TMC7: variants seen among roughly 807,000 people sequenced by gnomAD.
TMC7 encodes transmembrane channel like 7.
Under a neutral mutation model 82.9 loss-of-function variants are expected in TMC7, and 54 were observed. The ratio of observed to expected loss-of-function variants is 0.65; its 90% CI spans 0.52 to 0.82. The LOEUF (loss-of-function observed/expected upper bound fraction) is 0.82. Ranked by LOEUF, TMC7 falls within the 40% of genes least tolerant of loss-of-function variation. The pLI, the probability that TMC7 is intolerant of heterozygous loss-of-function variation, is 0.00. For synonymous variants in TMC7, 350 were observed against 337.9 expected (o/e 1.04, Z -0.39); for missense variants, 820 against 901.2 (o/e 0.91, Z 1.15).
chr16:18,992,543 A>C (rs1032771852), intron 1 of TMC7, among the ~76,000 whole-genome samples: 1 of 152,132 alleles, frequency 6.6e-6, no homozygotes, highest in Non-Finnish European at 1.5e-5. Context: ...CCCATTCTGT[A>C]GGTTGCCTGT....
intron 1 of TMC7, chr16:18,984,601 T>A: frequency 1.2e-6 from 1 of 854,276 alleles, no homozygotes; most frequent in Non-Finnish European, 1.4e-6. Flanking sequence ...TTGCCTTCTC[T>A]GAGCCTCAGA....
chr16:19,048,497 C>T (rs530596367), intron 12 of TMC7, among the ~76,000 whole-genome samples: 6 of 152,274 alleles, frequency 3.9e-5, no homozygotes, highest in South Asian at 2.1e-4. Flanking sequence ...TCTTGACTCA[C>T]GGCAACCTCC....
At chr16:19,003,640 T>A (rs1357573493) in intron 1 of TMC7, among the ~76,000 whole-genome samples, 4 of 139,152 alleles carry the variant, frequency 2.9e-5, no homozygotes, top group Non-Finnish European at 6.2e-5. Flanking sequence ...GCTGTGTCTG[T>A]GTAGAAAGTA....
intron 2 of TMC7, chr16:19,012,317 G>A (rs1029588618): frequency 6.6e-6 from 1 of 151,984 alleles, no homozygotes; most frequent in African/African-American, 2.4e-5. Flanking sequence ...CACTCTTTCA[G>A]ATTCACAGAT....
chr16:19,026,062 C>T (rs566976936), intron 5 of TMC7, among the ~76,000 whole-genome samples: 1 of 152,032 alleles, frequency 6.6e-6, no homozygotes, highest in Admixed American at 6.6e-5. Context: ...AGGTGTGAGC[C>T]ACTATGCCGC....
At chr16:19,012,534 A>G (rs1959418062) in intron 2 of TMC7, among the ~76,000 whole-genome samples, 1 of 151,944 alleles carries the variant, frequency 6.6e-6, no homozygotes, top group Non-Finnish European at 1.5e-5. Flanking sequence ...CATGCCTGCA[A>G]TCCCAGCATT....
chr16:19,015,818 C>T lies in TMC7; in HGVS notation c.312-632C>T, dbSNP rs568028916. Among the ~76,000 whole-genome samples the T allele has an allele frequency of 3.9e-5, 6 of 151,978 alleles. No homozygotes were observed. The South Asian group carries it at 1.0e-3, about 26-fold the overall frequency. On this transcript the variant is annotated intron_variant, in intron 2 of 15. Transcript: ENST00000304381. ...CTCGAATTCCTGACCTCAGGTGATC[C>T]ACCTGCCTCAGCCTCCCAAAGTGCT...
rs757431814 is a variant in TMC7, at chr16:19,042,795, A to C, written c.1338-2089A>C. 1.7e-3 allele frequency among the ~76,000 whole-genome samples: 231 copies of C among 132,452 alleles called. 3 individuals carry two copies. The highest frequency in any genetic ancestry group is 5.8e-4 in the Non-Finnish European group (36 of 61,824). The allele number at this position is 132,452 out of a possible 152,430, so 86.9% of individuals were successfully genotyped here. ...GGAGTCTCGCTCTGTCACCCAGGCTAGAGTGCAGTGGCGCGATCTCGGCTC... is the reference window on the plus strand; with the variant it reads ...GGAGTCTCGCTCTGTCACCCAGGCTCGAGTGCAGTGGCGCGATCTCGGCTC... On this transcript the variant is annotated intron_variant, in intron 9 of 15. Transcript: ENST00000304381.
intron 13 of TMC7, among the ~76,000 whole-genome samples, chr16:19,053,712 A>T (rs985139082): frequency 3.3e-5 from 5 of 150,796 alleles, no homozygotes; most frequent in Non-Finnish European, 5.9e-5. Context: ...CTGATTTTTT[A>T]AAATAGGAAA....
At chr16:19,053,849 C>CTT (rs35024702) in intron 13 of TMC7, among the ~76,000 whole-genome samples, 1 of 138,022 alleles carries the variant, frequency 7.2e-6, no homozygotes, top group East Asian at 2.1e-4. Flanking sequence ...TCTTTTCTTT[C>CTT]TTTTTTTTTT....
intron 6 of TMC7, among the ~76,000 whole-genome samples, chr16:19,030,714 G>GACT (rs776273331): frequency 1.1e-4 from 16 of 151,828 alleles, no homozygotes; most frequent in Admixed American, 6.6e-5. Flanking sequence ...GGGTAGCTAG[G>GACT]ACTACAGGAA....
rs778253821 is a variant in TMC7, at chr16:19,018,847, A to G, written c.460+2249A>G. On this transcript the variant is annotated intron_variant, in intron 3 of 15. Transcript: ENST00000304381. ...AGAAACATTAAACATTTTTTTGATT[A>G]TCTATTTTATTTTATTTTTTGAGAC... Among the ~76,000 whole-genome samples the G allele has an allele frequency of 2.8e-3, 428 of 152,098 alleles. 6 individuals carry two copies. Among genetic ancestry groups the G allele is most frequent in the Non-Finnish European group, 9.7e-4 (66 of 68,014 alleles).
At chr16:19,033,519 C>T (rs1960610936) in intron 6 of TMC7, 1 of 151,996 alleles carries the variant, frequency 6.6e-6, no homozygotes, top group Non-Finnish European at 1.5e-5. Flanking sequence ...CCTATTTCTA[C>T]AAAAAATACA....
chr16:19,043,448 C>T (rs1403051151), intron 9 of TMC7, among the ~76,000 whole-genome samples: 4 of 23,820 alleles, frequency 1.7e-4, no homozygotes, highest in Non-Finnish European at 4.7e-4. Context: ...TGTCAGAGTA[C>T]AATTTGGTGG....
intron 1 of TMC7, among the ~76,000 whole-genome samples, chr16:19,000,049 T>C (rs576287188): frequency 1.6e-4 from 25 of 152,026 alleles, no homozygotes; most frequent in Admixed American, 3.9e-4. Flanking sequence ...AGGCGTGTAA[T>C]CACGAAGGCT....
rs1962085480 is a variant in TMC7, at chr16:19,063,386, C to T, written c.*1543C>T. The T allele has an allele frequency of 1.3e-5, 2 of 152,172 alleles. No homozygotes were observed. The highest frequency in any genetic ancestry group is 1.3e-4 in the Admixed American group (2 of 15,250). 9.4% of individuals were successfully genotyped at this position (152,172 alleles called of 1,614,324 possible). A position where few individuals can be genotyped will look rare whatever the true frequency, so the allele number is the denominator to read the frequency against. Reference sequence around the variant, plus strand: ...TGGTCAATGTGGCAAGACCCCGTCTCTACTAAAAGTACAAAAATTAGCCAG... The same window carrying T: ...TGGTCAATGTGGCAAGACCCCGTCTTTACTAAAAGTACAAAAATTAGCCAG... On this transcript the variant is annotated 3_prime_UTR_variant, in exon 16 of 16. Transcript: ENST00000304381.
At chr16:19,059,295 A>G (rs1445752963) in intron 14 of TMC7, 121 bp from the exon 15 acceptor site, 2 of 1,500,620 alleles carry the variant, frequency 1.3e-6, no homozygotes, top group East Asian at 4.6e-5. Context: ...ATGAGCCATC[A>G]TGCCCAGCCT....
In TMC7 at chr16:18,984,096, C is replaced by G; in HGVS notation, c.33C>G (p.Pro11=). The change falls in exon 1 of 16, where the codon CCC becomes CCG. Residue 11 remains proline (P), a synonymous_variant. Coordinates refer to ENST00000304381, the MANE Select transcript of TMC7 (RefSeq NM_024847.4). ...AGTCCAGCGGCAGTGCGCTCCAGCC[C>G]GGCAGGCCCAGCCGGCAGCCGGCGG... The part of the protein sequence containing the change: MSESSGSALQ[P]GRPSRQPAVH... 1 of 1,503,162 alleles carries G rather than the reference C, an allele frequency of 6.7e-7. No individual in the cohort carries two copies. Among genetic ancestry groups the G allele is most frequent in the Admixed American group, 2.1e-5 (1 of 47,550 alleles). The allele number at this position is 1,503,162 out of a possible 1,614,324, so 93.1% of individuals were successfully genotyped here. A position where few individuals can be genotyped will look rare whatever the true frequency, so the allele number is the denominator to read the frequency against.
chr16:19,003,392 T>G (rs945266521), intron 1 of TMC7, among the ~76,000 whole-genome samples: 5 of 146,368 alleles, frequency 3.4e-5, no homozygotes, highest in Non-Finnish European at 7.5e-5. Flanking sequence ...AGCCGCCCCG[T>G]CCGGGAGGGA....
Sources: allele counts gnomAD v4.1 joint callset (sites outside exome capture counted in the v4.1 genomes callset), GRCh38; gene constraint gnomAD v4.1.1; transcripts MANE v1.5; gene names NCBI Gene and HGNC (gene_info 2026-07-23, HGNC 2026-07-21).